Variants in DNAH7 observed in about 807,000 individuals in gnomAD.
The protein encoded by DNAH7 is dynein axonemal heavy chain 7.
In DNAH7, 397 loss-of-function variants were observed where a neutral mutation model predicts 444.6. That is an observed-to-expected ratio of 0.89 (90% CI 0.82 to 0.97). DNAH7 has a LOEUF of 0.97. Among genes scored for constraint, DNAH7 ranks in the 50% least tolerant of loss-of-function variants. The probability of loss-of-function intolerance (pLI) is 0.00; values close to 1 mark genes in which losing one functional copy is unlikely to be tolerated. For missense variants in DNAH7, 4,902 were observed against 4,800.8 expected (o/e 1.02, Z -0.62); for synonymous variants, 1,636 against 1,624.4 (o/e 1.01, Z -0.17).
rs141965311 is a variant in DNAH7, at chr2:195,856,759, C to T, written c.8414+618G>A. On this transcript the variant is annotated intron_variant, in intron 44 of 64. Transcript: ENST00000312428. ...GTCCAAGGACCCCTGGGGATCCTGACGACACTTGCCCCTTTGGGGAGCTCA... is the reference window on the plus strand; with the variant it reads ...GTCCAAGGACCCCTGGGGATCCTGATGACACTTGCCCCTTTGGGGAGCTCA... Among the ~76,000 whole-genome samples the T allele has an allele frequency of 3.1e-3, 474 of 152,286 alleles. 3 individuals carry two copies. The highest frequency in any genetic ancestry group is 0.011 in the African/African-American group (438 of 41,572).
In DNAH7 at chr2:196,024,342, A is replaced by G. The variant is rs1456323872; in HGVS notation, c.743+87T>C. On this transcript the variant is annotated intron_variant, in intron 8 of 64. Coordinates refer to ENST00000312428, the MANE Select transcript of DNAH7 (RefSeq NM_018897.3). Reference sequence around the variant, plus strand: ...ATACATTTATATATAAATTATAAACATACATTTGAGAAAATATAATTGGTG... The same window carrying G: ...ATACATTTATATATAAATTATAAACGTACATTTGAGAAAATATAATTGGTG... 3 of 826,438 alleles carry G rather than the reference A, an allele frequency of 3.6e-6. No homozygotes were observed. The East Asian group carries it at 9.0e-5, about 25-fold the overall frequency. 51.2% of individuals were successfully genotyped at this position (826,438 alleles called of 1,614,324 possible).
chr2:195,972,191 TAAAAAC>T (rs758356045), intron 16 of DNAH7, 45 bp downstream of exon 16: 1 of 1,498,862 alleles, frequency 6.7e-7, no homozygotes, highest in Non-Finnish European at 9.1e-7. Context: ...CATAAAAAGA[TAAAAAC>T]AAAACATTTC....
intron 5 of DNAH7, among the ~76,000 whole-genome samples, chr2:196,032,354 G>A (rs970154712): frequency 1.3e-5 from 2 of 152,054 alleles, no homozygotes; most frequent in East Asian, 1.9e-4. Context: ...GAGGACAGAC[G>A]AAACAGTTTA....
chr2:195,931,559 T>G (rs1283842743), intron 21 of DNAH7, among the ~76,000 whole-genome samples: 1 of 151,640 alleles, frequency 6.6e-6, no homozygotes, highest in Non-Finnish European at 1.5e-5. Context: ...GTTTTAGGTC[T>G]AACATTTAAG....
chr2:195,986,880 A>T (rs1363742208), intron 14 of DNAH7, among the ~76,000 whole-genome samples, 186 bp downstream of exon 14: 2 of 152,178 alleles, frequency 1.3e-5, no homozygotes, highest in Non-Finnish European at 2.9e-5. Flanking sequence ...TGTGGTGAAA[A>T]AAATAATAAA....
intron 36 of DNAH7, among the ~76,000 whole-genome samples, chr2:195,881,141 A>C (rs1400371602): frequency 2.0e-5 from 3 of 152,210 alleles, no homozygotes; most frequent in Non-Finnish European, 4.4e-5. Flanking sequence ...GAAAGAGATT[A>C]TTCAATAAAT....
At chr2:196,033,626 C>CT (rs1475117766) in intron 5 of DNAH7, among the ~76,000 whole-genome samples, 1 of 152,042 alleles carries the variant, frequency 6.6e-6, no homozygotes, top group Non-Finnish European at 1.5e-5. Context: ...TAAAATTTCC[C>CT]TTTTTTAAGG....
In DNAH7 at chr2:196,068,704, C is replaced by T; in HGVS notation, c.8G>A (p.Ser3Asn). MS[S>N]EQDKSASKEK... ...AAAGAGCAGCCCTCTCACCTGCTCA[C>T]TGCTCATGGCTGCGAGGACGCGCTG... The change falls in exon 1 of 65, where the codon AGT (serine) becomes AAT (asparagine). Residue 3 changes from serine (S) to asparagine (N), a missense_variant. Ser to Asn is a conservative substitution (Grantham distance 46). Coordinates refer to ENST00000312428, the MANE Select transcript of DNAH7 (RefSeq NM_018897.3). 1 of 1,551,486 alleles carries T rather than the reference C, an allele frequency of 6.4e-7. No homozygotes were observed. The highest frequency in any genetic ancestry group is 8.7e-7 in the Non-Finnish European group (1 of 1,147,330).
intron 14 of DNAH7, among the ~76,000 whole-genome samples, chr2:195,985,381 A>G (rs1314001431): frequency 6.6e-6 from 1 of 152,202 alleles, no homozygotes; most frequent in East Asian, 1.9e-4. Flanking sequence ...CTTCAGAGGG[A>G]AAATCAACCG....
At chr2:195,974,957 A>G (rs1353618211) in intron 15 of DNAH7, among the ~76,000 whole-genome samples, 1 of 152,194 alleles carries the variant, frequency 6.6e-6, no homozygotes, top group African/African-American at 2.4e-5. Flanking sequence ...ACTCTTTTTT[A>G]TAATTTCCTG....
At chr2:195,813,345 G>A (rs192393092) in intron 51 of DNAH7, among the ~76,000 whole-genome samples, 24 of 151,942 alleles carry the variant, frequency 1.6e-4, no homozygotes, top group Non-Finnish European at 2.5e-4. Context: ...TCCTCCTCTC[G>A]TTGAATATAA....
At chr2:195,794,609 A>G in intron 56 of DNAH7, 71 bp from the exon 57 acceptor site, 3 of 1,436,758 alleles carry the variant, frequency 2.1e-6, no homozygotes, top group Non-Finnish European at 2.9e-6. Context: ...ATACATATGA[A>G]GGATGAGTTG....
intron 10 of DNAH7, among the ~76,000 whole-genome samples, chr2:196,002,855 A>C (rs1475357455): frequency 6.6e-6 from 1 of 152,042 alleles, no homozygotes; most frequent in African/African-American, 2.4e-5. Context: ...TAAAAATACA[A>C]AAATTAGCTG....
At position 195,884,589 on chromosome 2, in the gene DNAH7, G is replaced by A. The variant is rs781590056; in HGVS notation, c.5759C>T (p.Thr1920Ile). ...ATCTTGCTTCAGAACTCTTACCTCA[G>A]TGACAAATTGATAATCATAAATTGT... ...KGTIYDYQFV[T>I]EGIGKWEPWI... Residue 1920 changes from threonine (T) to isoleucine (I), a missense_variant, in exon 35 of 65, where the codon ACT (threonine) becomes ATT (isoleucine). By Grantham distance (89) the Thr-to-Ile change is moderately conservative. Transcript: ENST00000312428. 6.2e-7 allele frequency: 1 copy of A among 1,613,100 alleles called. No individual in the cohort carries two copies. The highest frequency in any genetic ancestry group is 8.5e-7 in the Non-Finnish European group (1 of 1,179,166).
In DNAH7 at chr2:195,987,995, G is replaced by A. The variant is rs558894982; in HGVS notation, c.1588C>T (p.Gln530Ter). 59 of 1,612,284 alleles carry A rather than the reference G, an allele frequency of 3.7e-5. No homozygotes were observed. The highest frequency in any genetic ancestry group is 3.2e-4 in the South Asian group (29 of 90,896). ...TACTGTATTTCCTCTATTAGTTTCT[G>A]GTATTTGCAAATTTCATCTATTATT... ...EKIIDEICKY[Q>*]KLIEEIQYTS... The change falls in exon 13 of 65, where the codon CAG becomes TAG. Residue 530 changes from glutamine (Q) to a stop codon, truncating the protein, a stop_gained. Transcript: ENST00000312428. LOFTEE classifies it high-confidence loss of function.
intron 10 of DNAH7, among the ~76,000 whole-genome samples, chr2:196,005,306 AAAT>A (rs1559326882): frequency 1.2e-3 from 179 of 150,708 alleles, no homozygotes; most frequent in African/African-American, 4.2e-3. Flanking sequence ...AAACAAACAA[AAAT>A]ATATATATAT....
intron 12 of DNAH7, among the ~76,000 whole-genome samples, chr2:195,992,358 G>C (rs1693398522): frequency 6.6e-6 from 1 of 152,158 alleles, no homozygotes; most frequent in Non-Finnish European, 1.5e-5. Flanking sequence ...GAAAAAGGCA[G>C]ATAGTCTTCA....
intron 21 of DNAH7, among the ~76,000 whole-genome samples, chr2:195,930,783 A>C (rs983809335): frequency 6.6e-6 from 1 of 152,356 alleles, no homozygotes; most frequent in Non-Finnish European, 1.5e-5. Flanking sequence ...CCTAGGTGCC[A>C]TCAATGGTGG....
chr2:196,015,743 G>C (rs1251118589), intron 9 of DNAH7, among the ~76,000 whole-genome samples: 2 of 152,188 alleles, frequency 1.3e-5, no homozygotes, highest in Non-Finnish European at 2.9e-5. Context: ...GCCACACATA[G>C]AGATGTCGTA....
Sources: gnomAD v4.1 joint callset for allele counts (sites outside exome capture counted in the v4.1 genomes callset) on GRCh38, gnomAD v4.1.1 for gene constraint, MANE v1.5 for transcripts, NCBI Gene and HGNC (gene_info 2026-07-23, HGNC 2026-07-21) for gene names.